Variants in TAPT1 observed in about 807,000 individuals in gnomAD.
TAPT1 encodes the protein transmembrane anterior posterior transformation 1, also known as transmembrane anterior posterior transformation protein 1 homolog.
In TAPT1, 28 loss-of-function variants were observed where a neutral mutation model predicts 65.6. The observed-to-expected ratio is 0.43, with a 90% CI of 0.32 to 0.59. The LOEUF is 0.59. Among genes scored for constraint, TAPT1 ranks in the 20% least tolerant of loss-of-function variants. TAPT1 has a pLI of 0.09. For missense variants in TAPT1, 563 were observed against 679.9 expected, an observed-to-expected ratio of 0.83 and a Z score of 1.91; for synonymous variants, 278 against 245.2, an observed-to-expected ratio of 1.13 and a Z score of -1.25.
At chr4:16,219,495 G>A (rs28403341) in intron 1 of TAPT1, among the ~76,000 whole-genome samples, 15,262 of 152,150 alleles carry the variant, frequency 0.1, 2,452 homozygotes, top group African/African-American at 0.34. Context: ...TAAACTTTGC[G>A]TACAATTAGC....
intron 3 of TAPT1, among the ~76,000 whole-genome samples, chr4:16,199,053 A>C (rs142769458): frequency 5.6e-4 from 86 of 152,328 alleles, no homozygotes; most frequent in African/African-American, 2.0e-3. Flanking sequence ...CAGGATTTTC[A>C]TATTCTGTGT....
chr4:16,194,078 A>G (rs1224899550), intron 3 of TAPT1, among the ~76,000 whole-genome samples: 2 of 152,234 alleles, frequency 1.3e-5, no homozygotes, highest in African/African-American at 4.8e-5. Context: ...TGAATCAAAG[A>G]ACAACGTGTT....
chr4:16,183,895 A>G (rs899716593), intron 7 of TAPT1, among the ~76,000 whole-genome samples: 4 of 152,218 alleles, frequency 2.6e-5, no homozygotes, highest in African/African-American at 9.6e-5. Flanking sequence ...CTTGAGAGTC[A>G]GGTCCAGCAT....
intron 3 of TAPT1, among the ~76,000 whole-genome samples, chr4:16,198,601 T>C (rs1321172475): frequency 3.9e-5 from 6 of 152,166 alleles, no homozygotes; most frequent in African/African-American, 9.7e-5. Context: ...TCAACTTCTT[T>C]GCCAGTCTAT....
chr4:16,209,071 C>T (rs1459348191), intron 2 of TAPT1, among the ~76,000 whole-genome samples: 1 of 151,956 alleles, frequency 6.6e-6, no homozygotes, highest in Non-Finnish European at 1.5e-5. Flanking sequence ...GCCACATTGC[C>T]TAGGTTGGCC....
chr4:16,212,025 A>G (rs1750676461), intron 2 of TAPT1, among the ~76,000 whole-genome samples: 1 of 152,244 alleles, frequency 6.6e-6, no homozygotes, highest in Admixed American at 6.5e-5. Flanking sequence ...GAAAGAAGGA[A>G]GCGTGAAACC....
chr4:16,184,793 T>C (rs1371099892), intron 7 of TAPT1, among the ~76,000 whole-genome samples: 1 of 152,228 alleles, frequency 6.6e-6, no homozygotes, highest in Non-Finnish European at 1.5e-5. Context: ...TCAAGCCTTT[T>C]CCCCATTTTA....
intron 13 of TAPT1, 51 bp from the exon 14 acceptor site, chr4:16,163,588 T>A: frequency 7.1e-7 from 1 of 1,415,982 alleles, no homozygotes; most frequent in African/African-American, 1.4e-5. Flanking sequence ...CTCCAATTAT[T>A]AATAAATACA....
rs760000737 is a variant in TAPT1 at position 16,161,249 on chromosome 4, C to G, written c.*2059G>C. On this transcript the variant is annotated 3_prime_UTR_variant, in exon 14 of 14. Transcript: ENST00000405303. ...CTTATTATACAGTGGGAAATTCACT[C>G]TACCAAATACAATAGTAAATATTAA... 3.3e-5 allele frequency: 5 copies of G among 152,560 alleles called. No homozygotes were observed. The highest frequency in any genetic ancestry group is 2.6e-4 in the Admixed American group (4 of 15,278). The allele number at this position is 152,560 out of a possible 1,614,324, so 9.5% of individuals were successfully genotyped here. A position where few individuals can be genotyped will look rare whatever the true frequency, so the allele number is the denominator to read the frequency against.
chr4:16,169,752 T>G (rs1429034555), intron 12 of TAPT1, among the ~76,000 whole-genome samples: 1 of 152,246 alleles, frequency 6.6e-6, no homozygotes, highest in Non-Finnish European at 1.5e-5. Flanking sequence ...ACTATTCTCA[T>G]GCTACTTCAA....
At chr4:16,179,792 A>T in intron 7 of TAPT1, 135 bp from the exon 8 acceptor site, 1 of 435,974 alleles carries the variant, frequency 2.3e-6, no homozygotes, top group South Asian at 4.2e-5. Context: ...ACAACTTTAT[A>T]TATATATATA....
upstream of TAPT1, chr4:16,226,974 C>G: frequency 6.7e-6 from 3 of 448,412 alleles, 1 homozygote; most frequent in South Asian, 4.7e-5. Flanking sequence ...CCCGCCAGGT[C>G]TTGGCACTGC....
rs376659280 is a variant in TAPT1, at chr4:16,191,440, T to C, written c.533A>G (p.Tyr178Cys). ...GTGGTACATCATGGAGTAGTCAACA[T>C]AGTGCATCATAAAATAGCAGATTAC... ...ILVICYFMMH[Y>C]VDYSMMYHLI... is the part of the protein sequence containing the mutation. The change falls in exon 4 of 14, where the codon TAT (tyrosine) becomes TGT (cysteine). Residue 178 changes from tyrosine to cysteine, a missense_variant. Transcript: ENST00000405303. 36 of 1,583,750 alleles carry C rather than the reference T, an allele frequency of 2.3e-5. No individual in the cohort carries two copies. The highest frequency in any genetic ancestry group is 1.1e-4 in the Admixed American group (6 of 55,328).
chr4:16,179,447 C>T (rs961435924), intron 8 of TAPT1, 130 bp downstream of exon 8: 4 of 554,444 alleles, frequency 7.2e-6, no homozygotes, highest in African/African-American at 4.0e-5. Context: ...GATTGTTTCA[C>T]CAATACCCAA....
rs2149687569 is a variant in TAPT1, at chr4:16,186,853, A to G, written c.774T>C (p.Val258=). Residue 258 remains valine, a synonymous_variant, in exon 6 of 14, where the codon GTT becomes GTC. Transcript: ENST00000405303. ...AAGCTACATTGAGAGTTGTTGCTTG[A>G]ACCATTATAAGAATTGCATGCAAAA... is the stretch of plus-strand genomic sequence containing the variant. ...YVFLHAILIM[V]QATTLNVAFN... 2 of 1,611,674 alleles carry G rather than the reference A, an allele frequency of 1.2e-6. No homozygotes were observed. Among genetic ancestry groups the G allele is most frequent in the East Asian group, 4.5e-5 (2 of 44,738 alleles).
intron 6 of TAPT1, 64 bp from the exon 7 acceptor site, chr4:16,186,668 T>G: frequency 7.2e-7 from 1 of 1,380,972 alleles, no homozygotes. Flanking sequence ...GACTTGCTAC[T>G]TATAAAACTT....
chr4:16,179,800 ATATG>A lies in TAPT1; in HGVS notation c.917-147_917-144del, dbSNP rs750280753. On this transcript the variant is annotated intron_variant, in intron 7 of 13. Coordinates refer to ENST00000405303, the MANE Select transcript of TAPT1 (RefSeq NM_153365.3). The stretch of plus-strand genomic sequence containing the variant: ...TAAATATACAACTTTATATATATAT[ATATG>A]TGTGTGTGTGTGTGTGTGTGTGTAT... The A allele has an allele frequency of 1.8e-3, 710 of 401,818 alleles. 6 individuals are homozygous for A. Among genetic ancestry groups the A allele is most frequent in the African/African-American group, 0.013 (541 of 41,472 alleles). 24.9% of individuals were successfully genotyped at this position (401,818 alleles called of 1,614,324 possible).
In TAPT1 at chr4:16,176,194, C is replaced by A. The variant is rs1338086129; in HGVS notation, c.1032G>T (p.Met344Ile). ...CCACGGCAATTTCTGATGCAATTAC[C>A]ATACAGACATCTGGAAACAACACCC... ...HLWVLFPDVC[M>I]VIASEIAVDI... The change falls in exon 9 of 14, where the codon ATG (methionine) becomes ATT (isoleucine). Residue 344 changes from methionine to isoleucine, a missense_variant. Physicochemically the swap from Met to Ile is conservative, Grantham distance 10. Transcript: ENST00000405303. 2.2e-5 allele frequency: 34 copies of A among 1,572,192 alleles called. No homozygotes were observed. Among genetic ancestry groups the A allele is most frequent in the Non-Finnish European group, 2.8e-5 (33 of 1,158,672 alleles).
chr4:16,189,470 C>A (rs1222599584), intron 4 of TAPT1, among the ~76,000 whole-genome samples: 2 of 152,206 alleles, frequency 1.3e-5, no homozygotes, highest in East Asian at 3.8e-4. Flanking sequence ...TAACAGCTAC[C>A]ATTTAGGGAG....
Sources: gnomAD v4.1 joint callset for allele counts (sites outside exome capture counted in the v4.1 genomes callset) on GRCh38, gnomAD v4.1.1 for gene constraint, MANE v1.5 for transcripts, NCBI Gene and HGNC (gene_info 2026-07-23, HGNC 2026-07-21) for gene names.